Variants in CDIN1 observed in about 807,000 individuals in gnomAD.
CDIN1 encodes the protein CDAN1-interacting nuclease 1.
A neutral mutation model predicts 45.3 loss-of-function variants in CDIN1; 33 were observed. That is an observed-to-expected ratio of 0.73 (90% confidence interval 0.55 to 0.97). The LOEUF (loss-of-function observed/expected upper bound fraction) is 0.97, where lower values mean the gene tolerates loss of function less well. Ranked by LOEUF, CDIN1 falls within the 50% of genes least tolerant of loss-of-function variation. The pLI is 0.00. For missense variants in CDIN1, 303 were observed against 339.4 expected (o/e 0.89, Z 0.84); for synonymous variants, 118 against 124.4 (o/e 0.95, Z 0.34).
chr15:36,691,229 A>G (rs750257467), intron 5 of CDIN1: 2 of 517,516 alleles, frequency 3.9e-6, no homozygotes, highest in African/African-American at 1.9e-5. Flanking sequence ...TTTAATTGAT[A>G]TAATTAAAGC....
At chr15:36,692,684 A>G (rs1031952241) in intron 7 of CDIN1, among the ~76,000 whole-genome samples, 4 of 152,156 alleles carry the variant, frequency 2.6e-5, no homozygotes, top group Admixed American at 6.6e-5. Context: ...CGGCATTTGG[A>G]TTCCTAATAA....
chr15:36,779,232 C>T (rs1438285637), intron 10 of CDIN1, among the ~76,000 whole-genome samples: 5 of 152,186 alleles, frequency 3.3e-5, no homozygotes, highest in Admixed American at 1.3e-4. Context: ...TGAATCTATT[C>T]GCTATATAAT....
intron 10 of CDIN1, among the ~76,000 whole-genome samples, chr15:36,735,569 A>G (rs920067164): frequency 6.6e-6 from 1 of 152,116 alleles, no homozygotes; most frequent in Non-Finnish European, 1.5e-5. Context: ...ATATATATGC[A>G]TATTATGTGA....
At chr15:36,580,754 A>G (rs1173100494) in intron 1 of CDIN1, among the ~76,000 whole-genome samples, 4 of 152,236 alleles carry the variant, frequency 2.6e-5, no homozygotes, top group African/African-American at 9.7e-5. Context: ...TGTTGTGTTA[A>G]AAGCAGAGAA....
At chr15:36,614,325 G>A (rs957090980) in intron 1 of CDIN1, 36 of 557,320 alleles carry the variant, frequency 6.5e-5, no homozygotes, top group African/African-American at 1.1e-4. Flanking sequence ...TTCTCCTTTC[G>A]CCACCCCCTT....
At chr15:36,691,645 G>A in intron 5 of CDIN1, 40 bp from the exon 6 acceptor site, 1 of 1,342,040 alleles carries the variant, frequency 7.5e-7, no homozygotes, top group South Asian at 1.3e-5. Context: ...TTAAAAGTAT[G>A]TTGACTATCT....
intron 5 of CDIN1, among the ~76,000 whole-genome samples, chr15:36,685,805 A>G (rs1445022929): frequency 1.3e-5 from 2 of 152,252 alleles, no homozygotes; most frequent in Non-Finnish European, 2.9e-5. Flanking sequence ...AGACACATGA[A>G]AAAATGCTCA....
At chr15:36,754,708 A>T (rs2053563725) in intron 10 of CDIN1, among the ~76,000 whole-genome samples, 3 of 152,082 alleles carry the variant, frequency 2.0e-5, no homozygotes, top group Admixed American at 2.0e-4. Context: ...GGCCATAAAG[A>T]AAAACAATTA....
At chr15:36,673,992 AT>A (rs1396943676) in intron 5 of CDIN1, among the ~76,000 whole-genome samples, 3 of 152,102 alleles carry the variant, frequency 2.0e-5, no homozygotes, top group African/African-American at 7.2e-5. Context: ...CACACTCCAC[AT>A]AAAAGAATAT....
At chr15:36,710,709 T>C (rs1477538866) in intron 10 of CDIN1, among the ~76,000 whole-genome samples, 1 of 152,126 alleles carries the variant, frequency 6.6e-6, no homozygotes, top group Non-Finnish European at 1.5e-5. Context: ...CACTACATGT[T>C]TTTTCCCCCT....
intron 1 of CDIN1, among the ~76,000 whole-genome samples, chr15:36,613,065 G>T (rs573428729): frequency 6.6e-6 from 1 of 152,276 alleles, no homozygotes; most frequent in South Asian, 2.1e-4. Flanking sequence ...TCTTATTCTT[G>T]TGAAGCTTAA....
At chr15:36,782,003 TAC>T (rs2054364643) in intron 10 of CDIN1, among the ~76,000 whole-genome samples, 1 of 152,176 alleles carries the variant, frequency 6.6e-6, no homozygotes, top group Non-Finnish European at 1.5e-5. Context: ...TTGGCCAGTA[TAC>T]ACAGTTTTTC....
At chr15:36,618,997 G>A (rs926359693) in intron 1 of CDIN1, 21 of 1,521,918 alleles carry the variant, frequency 1.4e-5, no homozygotes, top group African/African-American at 1.1e-4. Context: ...TTCAGTTCTT[G>A]TGTAGCCACT....
chr15:36,687,701 G>A (rs192192947), intron 5 of CDIN1, among the ~76,000 whole-genome samples: 2 of 151,892 alleles, frequency 1.3e-5, no homozygotes, highest in Non-Finnish European at 2.9e-5. Flanking sequence ...TATTTCATGT[G>A]TAGTTGAAAA....
In CDIN1 at chr15:36,579,962, G is replaced by A; in HGVS notation, c.101+1G>A. 1 of 1,612,224 alleles carries A rather than the reference G, an allele frequency of 6.2e-7. No homozygotes were observed. Among genetic ancestry groups the A allele is most frequent in the Non-Finnish European group, 8.5e-7 (1 of 1,179,122 alleles). Reference sequence around the variant, plus strand: ...GGAAGCTGAAGCAGAGGTTTCCCAGGTAAGTGTCCATCTCTCCCCTCTCAC... The same window carrying A: ...GGAAGCTGAAGCAGAGGTTTCCCAGATAAGTGTCCATCTCTCCCCTCTCAC... On this transcript the variant is annotated splice_donor_variant, in intron 1 of 10. Transcript: ENST00000566621. LOFTEE classifies it high-confidence loss of function.
intron 10 of CDIN1, among the ~76,000 whole-genome samples, chr15:36,737,396 T>G (rs1235621546): frequency 6.6e-6 from 1 of 152,210 alleles, no homozygotes; most frequent in Non-Finnish European, 1.5e-5. Context: ...CTAATCTGCA[T>G]GTTGCCAGAG....
intron 10 of CDIN1, among the ~76,000 whole-genome samples, chr15:36,774,542 A>G (rs1341446750): frequency 6.6e-6 from 1 of 151,920 alleles, no homozygotes; most frequent in African/African-American, 2.4e-5. Context: ...TGCAAAGGTT[A>G]TCATAATTCA....
At chr15:36,582,309 T>G (rs2037083374) in intron 1 of CDIN1, among the ~76,000 whole-genome samples, 1 of 152,266 alleles carries the variant, frequency 6.6e-6, no homozygotes, top group African/African-American at 2.4e-5. Flanking sequence ...ACCATCATAC[T>G]TTGATATGAA....
chr15:36,770,612 C>G (rs950448018), intron 10 of CDIN1, among the ~76,000 whole-genome samples: 2 of 152,028 alleles, frequency 1.3e-5, no homozygotes, highest in African/African-American at 4.8e-5. Context: ...CCACACCCAG[C>G]TAATTTTTGT....
Sources: allele counts gnomAD v4.1 joint callset (sites outside exome capture counted in the v4.1 genomes callset), GRCh38; gene constraint gnomAD v4.1.1; transcripts MANE v1.5; gene names NCBI Gene and HGNC (gene_info 2026-07-23, HGNC 2026-07-21).